The following NR2E3 variants were observed in gnomAD, a reference collection of about 807,000 sequenced individuals.
NR2E3 encodes the protein photoreceptor-specific nuclear receptor.
NR2E3 carries 38 observed loss-of-function variants against 37.6 expected under a neutral mutation model. The ratio of observed to expected loss-of-function variants is 1.01; its 90% CI spans 0.78 to 1.33. The LOEUF is 1.33. Among genes scored for constraint, NR2E3 ranks in the 40% most tolerant of loss-of-function variants. The pLI, the probability that NR2E3 is intolerant of heterozygous loss-of-function variation, is 0.00. For missense variants in NR2E3, 562 were observed against 558.7 expected (o/e 1.01, Z -0.06); for synonymous variants, 235 against 225.1 (o/e 1.04, Z -0.39).
intron 1 of NR2E3, 63 bp downstream of exon 1, chr15:71,810,924 G>T: frequency 6.9e-7 from 1 of 1,449,904 alleles, no homozygotes; most frequent in Non-Finnish European, 9.2e-7. Flanking sequence ...AAGGGCCAGA[G>T]GTTCGCAGGG....
At chr15:71,816,901 T>C (rs1043363198) in intron 7 of NR2E3, among the ~76,000 whole-genome samples, 2 of 152,152 alleles carry the variant, frequency 1.3e-5, no homozygotes, top group African/African-American at 4.8e-5. Context: ...GCATACTGAA[T>C]GCTTATCACT....
In NR2E3 at chr15:71,810,837, TG is replaced by T; in HGVS notation, c.98del (p.Gly33AlafsTer9). ...CTCCAGGAAGGAGTCTCCAGGCAGA[TG>T]GGGCCTGGGGGAGGATCCCACAGGT... is the stretch of plus-strand genomic sequence containing the variant. ...AASRKESPGR[W>X]GLGEDPTGVS... On this transcript the variant is annotated frameshift_variant, in exon 1 of 8. Coordinates refer to ENST00000617575, the MANE Select transcript of NR2E3 (RefSeq NM_014249.4). LOFTEE classifies it high-confidence loss of function. The T allele has an allele frequency of 6.4e-7, 1 of 1,564,642 alleles. No homozygotes were observed. The highest frequency in any genetic ancestry group is 1.2e-5 in the South Asian group (1 of 84,696).
chr15:71,814,692 G>A, intron 7 of NR2E3: 5 of 986,992 alleles, frequency 5.1e-6, no homozygotes, highest in Non-Finnish European at 6.0e-6. Flanking sequence ...GGCAGCTACT[G>A]CAGGTTTCCG....
At position 71,810,817 on chromosome 15, in the gene NR2E3, G is replaced by T; in HGVS notation, c.74G>T (p.Arg25Met). 6.4e-7 allele frequency: 1 copy of T among 1,572,416 alleles called. No homozygotes were observed. Among genetic ancestry groups the T allele is most frequent in the South Asian group, 1.2e-5 (1 of 85,314 alleles). ...AAAPAAGAAS[R>M]KESPGRWGLG... ...GCGCCTGCAGCTGGGGCTGCCTCCA[G>T]GAAGGAGTCTCCAGGCAGATGGGGC... The change falls in exon 1 of 8, where the codon AGG becomes ATG. Residue 25 changes from arginine to methionine, a missense_variant. Coordinates refer to ENST00000617575, the MANE Select transcript of NR2E3 (RefSeq NM_014249.4).
Position 71,811,439 on chromosome 15 carries a change from C to T in NR2E3, c.119-44C>T, listed in dbSNP as rs1171867744. 2.7e-5 allele frequency: 41 copies of T among 1,527,542 alleles called. No individual in the cohort carries two copies. The highest frequency in any genetic ancestry group is 5.5e-5 in the African/African-American group (4 of 72,472). The allele number at this position is 1,527,542 out of a possible 1,614,324, so 94.6% of individuals were successfully genotyped here. On this transcript the variant is annotated intron_variant, in intron 1 of 7. Coordinates refer to ENST00000617575, the MANE Select transcript of NR2E3 (RefSeq NM_014249.4). The surrounding 1 kb of genome is among the most constrained non-coding windows in gnomAD (Gnocchi z 5.6). ...AGGAGGGGAGCGTGCAGCCCTGCCC[C>T]GGCCCAGCCCTGCCCTGGCCCAGCC...
At chr15:71,816,451 G>A (rs2054227035) in intron 7 of NR2E3, among the ~76,000 whole-genome samples, 1 of 151,954 alleles carries the variant, frequency 6.6e-6, no homozygotes, top group African/African-American at 2.4e-5. Context: ...TAGTAGAGAC[G>A]GGGTTTCACC....
At position 71,813,628 on chromosome 15, in the gene NR2E3, C is replaced by A. The variant is rs1229458340; in HGVS notation, c.987C>A (p.Phe329Leu). 6.2e-7 allele frequency: 1 copy of A among 1,613,808 alleles called. No individual in the cohort carries two copies. The highest frequency in any genetic ancestry group is 1.7e-5 in the Admixed American group (1 of 60,038). ...EFACMKALVL[F>L]KPETRGLKDP... Reference sequence around the variant, plus strand: ...CCTGCATGAAGGCCTTGGTCCTCTTCAAGCCAGGTAACTGAGTCTCTGCCC... The same window carrying A: ...CCTGCATGAAGGCCTTGGTCCTCTTAAAGCCAGGTAACTGAGTCTCTGCCC... The change falls in exon 6 of 8, where the codon TTC (phenylalanine) becomes TTA (leucine). Residue 329 changes from phenylalanine (F) to leucine (L), a missense_variant. Coordinates refer to ENST00000617575, the MANE Select transcript of NR2E3 (RefSeq NM_014249.4). The surrounding 1 kb of genome is among the most constrained non-coding windows in gnomAD (Gnocchi z 4.7).
At chr15:71,814,347 C>T (rs1567161110) in intron 7 of NR2E3, 4 of 1,321,472 alleles carry the variant, frequency 3.0e-6, no homozygotes, top group Non-Finnish European at 3.9e-6. Context: ...AGTGACCTCA[C>T]TGAAGACAAA....
At position 71,811,769 on chromosome 15, in the gene NR2E3, C is replaced by T. The variant is rs1395148183; in HGVS notation, c.249C>T (p.Cys83=). ...GGGGTCTCCTCTTCACCTGCAGGTG[C>T]CAGGTGGGGGCAGGGATGTGCCCCG... ...RSVRRRLIYR[C]QVGAGMCPVD... The change falls in exon 3 of 8, where the codon TGC becomes TGT. Residue 83 remains cysteine, a synonymous_variant. Transcript: ENST00000617575. This position sits in a 1 kb window ranked among gnomAD's most constrained non-coding sequence, Gnocchi z 5.6. The T allele has an allele frequency of 6.5e-7, 1 of 1,549,946 alleles. No individual in the cohort carries two copies. Among genetic ancestry groups the T allele is most frequent in the African/African-American group, 1.4e-5 (1 of 72,980 alleles).
In NR2E3 at chr15:71,813,351, G is replaced by T; in HGVS notation, c.748-38G>T. The T allele has an allele frequency of 6.2e-7, 1 of 1,600,348 alleles. No individual in the cohort carries two copies. Among genetic ancestry groups the T allele is most frequent in the Non-Finnish European group, 8.5e-7 (1 of 1,174,220 alleles). Reference sequence around the variant, plus strand: ...GGCTCCAGACTGAGCCAGAGAAGCTGTGTGTCTGCCATAACAGGCACCCCT... The same window carrying T: ...GGCTCCAGACTGAGCCAGAGAAGCTTTGTGTCTGCCATAACAGGCACCCCT... On this transcript the variant is annotated intron_variant, in intron 5 of 7. Coordinates refer to ENST00000617575, the MANE Select transcript of NR2E3 (RefSeq NM_014249.4). The surrounding 1 kb of genome is among the most constrained non-coding windows in gnomAD (Gnocchi z 4.7).
Position 71,810,974 on chromosome 15 carries a change from C to T in NR2E3, c.118+113C>T, listed in dbSNP as rs1409313154. ...CAGAACAACTCAGACCCAGCCCCGC[C>T]GGCTGTGGGCAAGGGTGGGGTAGCC... On this transcript the variant is annotated intron_variant, in intron 1 of 7. Transcript: ENST00000617575. 21 of 1,019,042 alleles carry T rather than the reference C, an allele frequency of 2.1e-5. 1 individual carries two copies. Among genetic ancestry groups the T allele is most frequent in the South Asian group, 1.1e-4 (6 of 53,826 alleles). The allele number at this position is 1,019,042 out of a possible 1,614,324, so 63.1% of individuals were successfully genotyped here.
At chr15:71,814,605 C>G (rs1348215978) in intron 7 of NR2E3, 1 of 941,812 alleles carries the variant, frequency 1.1e-6, no homozygotes, top group Non-Finnish European at 1.3e-6. Context: ...GAGAATAAGC[C>G]AGAAAAGTAC....
At chr15:71,814,244 A>C in intron 7 of NR2E3, 127 bp downstream of exon 7, 2 of 1,457,058 alleles carry the variant, frequency 1.4e-6, no homozygotes, top group South Asian at 2.8e-5. Flanking sequence ...CATACAGCCA[A>C]CATCTATGGT....
Position 71,813,637 on chromosome 15 carries a change from T to A in NR2E3, c.994+2T>A. Reference sequence around the variant, plus strand: ...AGGCCTTGGTCCTCTTCAAGCCAGGTAACTGAGTCTCTGCCCAAACCTTGA... The same window carrying A: ...AGGCCTTGGTCCTCTTCAAGCCAGGAAACTGAGTCTCTGCCCAAACCTTGA... On this transcript the variant is annotated splice_donor_variant, in intron 6 of 7. Coordinates refer to ENST00000617575, the MANE Select transcript of NR2E3 (RefSeq NM_014249.4). LOFTEE classifies it high-confidence loss of function. The surrounding 1 kb of genome is among the most constrained non-coding windows in gnomAD (Gnocchi z 4.7). The A allele has an allele frequency of 6.2e-7, 1 of 1,613,560 alleles. No homozygotes were observed. The highest frequency in any genetic ancestry group is 8.5e-7 in the Non-Finnish European group (1 of 1,179,862).
rs1451656417 is a variant in NR2E3 at position 71,813,089 on chromosome 15, C to T, written c.748-300C>T. ...AGAGTCAGGCCACACCACTTGAATA[C>T]ACTCAACTTAGGACACTCATGAGGC... On this transcript the variant is annotated intron_variant, in intron 5 of 7. Coordinates refer to ENST00000617575, the MANE Select transcript of NR2E3 (RefSeq NM_014249.4). This position sits in a 1 kb window ranked among gnomAD's most constrained non-coding sequence, Gnocchi z 4.7. Among the ~76,000 whole-genome samples, 2 of 152,188 alleles carry T rather than the reference C, an allele frequency of 1.3e-5. No individual in the cohort carries two copies. The highest frequency in any genetic ancestry group is 2.9e-5 in the Non-Finnish European group (2 of 68,032).
chr15:71,810,804 G>A lies in NR2E3; in HGVS notation c.61G>A (p.Gly21Arg). ...AGTGGCTGCAGCTGCGCCTGCAGCTGGGGCTGCCTCCAGGAAGGAGTCTCC... is the reference window on the plus strand; with the variant it reads ...AGTGGCTGCAGCTGCGCCTGCAGCTAGGGCTGCCTCCAGGAAGGAGTCTCC... ...STVAAAAPAAGAASRKESPGR... is the reference protein window; with the variant it reads ...STVAAAAPAARAASRKESPGR... Residue 21 changes from glycine (G) to arginine (R), a missense_variant, in exon 1 of 8, where the codon GGG (glycine) becomes AGG (arginine). Physicochemically the swap from Gly to Arg is moderately radical, Grantham distance 125. Transcript: ENST00000617575. The A allele has an allele frequency of 6.3e-7, 1 of 1,575,806 alleles. No homozygotes were observed. The highest frequency in any genetic ancestry group is 2.3e-5 in the East Asian group (1 of 42,588).
intron 7 of NR2E3, among the ~76,000 whole-genome samples, chr15:71,817,247 C>T (rs1221985693): frequency 4.0e-5 from 6 of 151,836 alleles, no homozygotes; most frequent in East Asian, 1.9e-4. Flanking sequence ...TACAGGTGCC[C>T]GCCACCACGC....
rs1159703115 is a variant in NR2E3 at position 71,810,751 on chromosome 15, C to A, written c.8C>A (p.Thr3Asn). 4 of 1,569,368 alleles carry A rather than the reference C, an allele frequency of 2.5e-6. No homozygotes were observed. Among genetic ancestry groups the A allele is most frequent in the Non-Finnish European group, 3.5e-6 (4 of 1,157,936 alleles). The change falls in exon 1 of 8, where the codon ACC becomes AAC. Residue 3 changes from threonine to asparagine, a missense_variant. Physicochemically the swap from Thr to Asn is moderately conservative, Grantham distance 65. Coordinates refer to ENST00000617575, the MANE Select transcript of NR2E3 (RefSeq NM_014249.4). ...GAGGCTGCCCTGTAACCCATGGAGACCAGACCAACAGCTCTGATGAGCTCC... is the reference window on the plus strand; with the variant it reads ...GAGGCTGCCCTGTAACCCATGGAGAACAGACCAACAGCTCTGATGAGCTCC... ME[T>N]RPTALMSSTV...
At chr15:71,812,289 A>G (rs1443256762) in intron 4 of NR2E3, 47 bp from the exon 5 acceptor site, 2 of 1,612,766 alleles carry the variant, frequency 1.2e-6, no homozygotes, top group African/African-American at 2.7e-5. Context: ...ACTCCCTGCC[A>G]CCTCCCGAGA....
Sources: gnomAD v4.1 joint callset for allele counts (sites outside exome capture counted in the v4.1 genomes callset) on GRCh38, gnomAD v4.1.1 for gene constraint, Gnocchi (gnomAD v3.1) non-coding constraint, MANE v1.5 for transcripts, NCBI Gene and HGNC (gene_info 2026-07-23, HGNC 2026-07-21) for gene names.